The following UNC13A variants were observed in gnomAD, a reference collection of about 807,000 sequenced individuals.
The protein encoded by UNC13A is unc-13 homolog A.
Under a neutral mutation model 219.7 loss-of-function variants are expected in UNC13A, and 61 were observed. That is an observed-to-expected ratio of 0.28 (90% CI 0.23 to 0.34). The LOEUF is 0.34. UNC13A is among the 10% of genes least tolerant of loss of function. The probability of loss-of-function intolerance (pLI) is 1.00; values close to 1 mark genes in which losing one functional copy is unlikely to be tolerated. For missense variants in UNC13A, 1,476 were observed against 2,270.3 expected (o/e 0.65, Z 7.11); for synonymous variants, 920 against 884.6 (o/e 1.04, Z -0.71).
chr19:17,641,335 G>T (rs756795933), intron 21 of UNC13A, 58 bp downstream of exon 21: 310 of 1,587,546 alleles, frequency 2.0e-4, no homozygotes, highest in Non-Finnish European at 2.6e-4. Flanking sequence ...CCCCAGACCT[G>T]CCAGTGCCCA....
rs751399107 is a variant in UNC13A at position 17,641,567 on chromosome 19, G to A, written c.2473-11C>T. 2.5e-6 allele frequency: 4 copies of A among 1,613,744 alleles called. No homozygotes were observed. The highest frequency in any genetic ancestry group is 3.4e-6 in the Non-Finnish European group (4 of 1,179,748). On this transcript the variant is annotated splice_polypyrimidine_tract_variant and intron_variant, in intron 20 of 43. Coordinates refer to ENST00000519716, the MANE Select transcript of UNC13A (RefSeq NM_001080421.3). ...GAAGTGGAACAGGTTCTGCCACCAT[G>A]GGAGAGAAAGTGTCATGGAGAGTGC...
chr19:17,686,698 G>A (rs1017502368), intron 1 of UNC13A, among the ~76,000 whole-genome samples: 1 of 152,050 alleles, frequency 6.6e-6, no homozygotes, highest in African/African-American at 2.4e-5. Context: ...AGAGAAAGTA[G>A]GCCCCTGTCC....
intron 43 of UNC13A, among the ~76,000 whole-genome samples, chr19:17,608,734 T>A (rs1374606097): frequency 6.6e-6 from 1 of 151,700 alleles, no homozygotes; most frequent in East Asian, 1.9e-4. Context: ...GCCAGGATGG[T>A]CTCGATCTCC....
rs905682098 is a variant in UNC13A, at chr19:17,688,341, T to A, written c.-142A>T. The A allele has an allele frequency of 1.1e-5, 14 of 1,290,960 alleles. No homozygotes were observed. The highest frequency in any genetic ancestry group is 1.4e-5 in the Non-Finnish European group (14 of 1,017,128). 80.0% of individuals were successfully genotyped at this position (1,290,960 alleles called of 1,614,324 possible). On this transcript the variant is annotated 5_prime_UTR_variant, in exon 1 of 44. Coordinates refer to ENST00000519716, the MANE Select transcript of UNC13A (RefSeq NM_001080421.3). ...CCCGGCCGCCACCGGCCATCTTGGT[T>A]CAGCACCGGGGGCGCGGACAGCGCC...
intron 43 of UNC13A, 70 bp from the exon 44 acceptor site, chr19:17,606,424 C>T: frequency 3.3e-6 from 5 of 1,507,442 alleles, no homozygotes; most frequent in Admixed American, 4.1e-5. Flanking sequence ...GCCCCGTCCC[C>T]ACCGCATTTG....
chr19:17,677,400 A>G (rs1381071224), intron 1 of UNC13A, among the ~76,000 whole-genome samples: 2 of 129,648 alleles, frequency 1.5e-5, no homozygotes, highest in East Asian at 2.3e-4. Flanking sequence ...GTCTTGCTCT[A>G]TTGCCCAGGC....
chr19:17,643,830 C>T (rs1431084510), intron 19 of UNC13A, among the ~76,000 whole-genome samples: 1 of 152,098 alleles, frequency 6.6e-6, no homozygotes, highest in East Asian at 1.9e-4. Context: ...GTCTGAGCTC[C>T]CAGGCCCTGC....
chr19:17,647,638 C>A (rs2079261630), intron 16 of UNC13A, 146 bp from the exon 17 acceptor site: 1 of 713,014 alleles, frequency 1.4e-6, no homozygotes. Context: ...TCTGTACCCC[C>A]CACCCAGACC....
At chr19:17,648,815 C>A in intron 15 of UNC13A, 97 bp downstream of exon 15, 1 of 1,500,730 alleles carries the variant, frequency 6.7e-7, no homozygotes, top group Non-Finnish European at 9.0e-7. Flanking sequence ...ACACACACAC[C>A]CTTCCTCTTC....
chr19:17,646,905 CAGCAT>C (rs372326905), intron 17 of UNC13A, among the ~76,000 whole-genome samples: 3 of 152,012 alleles, frequency 2.0e-5, no homozygotes, highest in South Asian at 2.1e-4. Context: ...CCCTTGCCCA[CAGCAT>C]TGTCTGCTCA....
chr19:17,634,702 T>C (rs2076894488), intron 26 of UNC13A, among the ~76,000 whole-genome samples: 1 of 151,816 alleles, frequency 6.6e-6, no homozygotes, highest in African/African-American at 2.4e-5. Flanking sequence ...TGTTATTTAC[T>C]TATTTATTTA....
At chr19:17,687,751 T>C (rs1318175202) in intron 1 of UNC13A, among the ~76,000 whole-genome samples, 1 of 151,740 alleles carries the variant, frequency 6.6e-6, no homozygotes, top group Non-Finnish European at 1.5e-5. Flanking sequence ...TCCGCGTCCA[T>C]GAGGACCCGT....
chr19:17,611,938 C>G, intron 41 of UNC13A, 83 bp from the exon 42 acceptor site: 1 of 1,233,920 alleles, frequency 8.1e-7, no homozygotes, highest in Non-Finnish European at 1.2e-6. Flanking sequence ...CTCCCACCCA[C>G]CTGTGCTGGC....
chr19:17,678,600 G>A (rs10419687), intron 1 of UNC13A, among the ~76,000 whole-genome samples: 2 of 151,104 alleles, frequency 1.3e-5, no homozygotes, highest in Non-Finnish European at 2.9e-5. Flanking sequence ...TGGTTTGTTC[G>A]CTCACATCCT....
intron 1 of UNC13A, among the ~76,000 whole-genome samples, chr19:17,680,879 C>CTTTTTTTTTTTTTTTTTTTTTTTTTTTT (rs2079996579): frequency 1.2e-5 from 1 of 80,198 alleles, no homozygotes; most frequent in Non-Finnish European, 2.6e-5. Context: ...CTTTTTTTTT[C>CTTTTTTTTTTTTTTTTTTTTTTTTTTTT]TTTTCTTTTC....
At chr19:17,662,624 C>T (rs12978632) in intron 8 of UNC13A, among the ~76,000 whole-genome samples, 70,189 of 151,918 alleles carry the variant, frequency 0.46, 16,802 homozygotes, top group Middle Eastern at 0.52. Context: ...GGTAGAAAAA[C>T]GGACATTTAA....
At chr19:17,647,229 G>A (rs1180854583) in intron 17 of UNC13A, 36 bp downstream of exon 17, 1 of 1,531,732 alleles carries the variant, frequency 6.5e-7, no homozygotes, top group Non-Finnish European at 8.8e-7. Flanking sequence ...AGAGGGTGGA[G>A]AAGGAGGGGC....
intron 26 of UNC13A, among the ~76,000 whole-genome samples, chr19:17,633,802 CATCT>C (rs2076883206): frequency 6.6e-6 from 1 of 151,870 alleles, no homozygotes; most frequent in Non-Finnish European, 1.5e-5. Flanking sequence ...CTCAACCACC[CATCT>C]ATCTGTTCAT....
At chr19:17,683,733 C>T (rs115213253) in intron 1 of UNC13A, among the ~76,000 whole-genome samples, 2,830 of 152,094 alleles carry the variant, frequency 0.019, 99 homozygotes, top group African/African-American at 0.066. Flanking sequence ...GTGAAGCAAA[C>T]CCACCCTCAC....
Sources: gnomAD v4.1 joint callset for allele counts (sites outside exome capture counted in the v4.1 genomes callset) on GRCh38, gnomAD v4.1.1 for gene constraint, MANE v1.5 for transcripts, NCBI Gene and HGNC (gene_info 2026-07-23, HGNC 2026-07-21) for gene names.